The following PTPN14 variants were observed in gnomAD, a reference collection of about 807,000 sequenced individuals.
The protein encoded by PTPN14 is protein tyrosine phosphatase non-receptor type 14.
PTPN14 carries 53 observed loss-of-function variants against 126.8 expected under a neutral mutation model. The ratio of observed to expected loss-of-function variants is 0.42; its 90% CI spans 0.34 to 0.53. PTPN14 has a LOEUF of 0.53. Among genes scored for constraint, PTPN14 ranks in the 20% least tolerant of loss-of-function variants. The pLI, the probability that PTPN14 is intolerant of heterozygous loss-of-function variation, is 0.08. For missense variants in PTPN14, 1,257 were observed against 1,552.9 expected, an observed-to-expected ratio of 0.81 and a Z score of 3.20; for synonymous variants, 630 against 599.3, an observed-to-expected ratio of 1.05 and a Z score of -0.75.
At position 214,352,151 on chromosome 1, in the gene PTPN14, G is replaced by A. The variant is rs541182997; in HGVS notation, c.*5771C>T. On this transcript the variant is annotated 3_prime_UTR_variant, in exon 19 of 19. Coordinates refer to ENST00000366956, the MANE Select transcript of PTPN14 (RefSeq NM_005401.5). ...CTAAAAACAAAGCTGCAAACGGTAG[G>A]AACTGATGCACATCCTCTTCTTTAC... 3 of 152,260 alleles carry A rather than the reference G, an allele frequency of 2.0e-5. No homozygotes were observed. The highest frequency in any genetic ancestry group is 2.9e-5 in the Non-Finnish European group (2 of 68,018). 9.4% of individuals were successfully genotyped at this position (152,260 alleles called of 1,614,324 possible).
At chr1:214,493,387 C>A (rs1480161490) in intron 1 of PTPN14, among the ~76,000 whole-genome samples, 1 of 152,200 alleles carries the variant, frequency 6.6e-6, no homozygotes, top group African/African-American at 2.4e-5. Flanking sequence ...TTCCCACCAA[C>A]CATGTACAAG....
At chr1:214,375,385 A>C (rs1051654389) in intron 15 of PTPN14, among the ~76,000 whole-genome samples, 10 of 152,244 alleles carry the variant, frequency 6.6e-5, no homozygotes, top group African/African-American at 2.4e-4. Context: ...TATCAATTGA[A>C]CCTTGTGTTA....
Position 214,352,349 on chromosome 1 carries a change from C to T in PTPN14, c.*5573G>A, listed in dbSNP as rs1479085170. 6.6e-6 allele frequency: 1 copy of T among 152,172 alleles called. No individual in the cohort carries two copies. Among genetic ancestry groups the T allele is most frequent in the Non-Finnish European group, 1.5e-5 (1 of 68,040 alleles). 9.4% of individuals were successfully genotyped at this position (152,172 alleles called of 1,614,324 possible). A position where few individuals can be genotyped will look rare whatever the true frequency, so the allele number is the denominator to read the frequency against. On this transcript the variant is annotated 3_prime_UTR_variant, in exon 19 of 19. Transcript: ENST00000366956. ...GTAGTCTACTGAATAAAAATACTTA[C>T]CTATCTGAGTTTCTAACAGAAACAC...
At chr1:214,531,806 T>G (rs1655556663) in intron 1 of PTPN14, 1 of 152,156 alleles carries the variant, frequency 6.6e-6, no homozygotes, top group South Asian at 2.1e-4. Context: ...TTACAGTTTG[T>G]GGGGGGAAAG....
intron 6 of PTPN14, among the ~76,000 whole-genome samples, chr1:214,402,014 G>A (rs1232604441): frequency 1.3e-5 from 2 of 151,938 alleles, no homozygotes; most frequent in Non-Finnish European, 2.9e-5. Flanking sequence ...CCACAGCCCT[G>A]TAAACATGAA....
At chr1:214,367,462 TC>T (rs1658109866) in intron 17 of PTPN14, among the ~76,000 whole-genome samples, 1 of 152,198 alleles carries the variant, frequency 6.6e-6, no homozygotes, top group Non-Finnish European at 1.5e-5. Context: ...AACTTGTAAA[TC>T]AGTATTTTTA....
intron 1 of PTPN14, among the ~76,000 whole-genome samples, chr1:214,489,818 G>C (rs145866997): frequency 1.3e-5 from 2 of 152,302 alleles, no homozygotes; most frequent in Non-Finnish European, 2.9e-5. Flanking sequence ...TGGTCTCTCT[G>C]GAGCTAGAGA....
chr1:214,502,195 G>T (rs75605069), intron 1 of PTPN14, among the ~76,000 whole-genome samples: 6,384 of 152,150 alleles, frequency 0.042, 209 homozygotes, highest in Middle Eastern at 0.12. Flanking sequence ...TCCCTGGAGG[G>T]TTGTTAAATA....
chr1:214,367,937 C>G (rs1046978287), intron 17 of PTPN14, among the ~76,000 whole-genome samples: 1 of 152,134 alleles, frequency 6.6e-6, no homozygotes, highest in Non-Finnish European at 1.5e-5. Context: ...TTGGGTCTTT[C>G]AAATAAAAAT....
chr1:214,403,733 T>C (rs990322317), intron 5 of PTPN14, among the ~76,000 whole-genome samples: 1 of 152,082 alleles, frequency 6.6e-6, no homozygotes, highest in Non-Finnish European at 1.5e-5. Flanking sequence ...AGAGGAATAA[T>C]CCAAAATAAG....
intron 13 of PTPN14, among the ~76,000 whole-genome samples, chr1:214,380,718 A>G (rs1658452854): frequency 6.6e-6 from 1 of 152,228 alleles, no homozygotes; most frequent in Admixed American, 6.5e-5. Context: ...ATCACCTCTC[A>G]TGAATTCCCA....
chr1:214,384,388 C>G lies in PTPN14; in HGVS notation c.1467G>C (p.Glu489Asp). The change falls in exon 13 of 19, where the codon GAG becomes GAC. Residue 489 changes from glutamate to aspartate, a missense_variant. This residue lies in a region of PTPN14 where 1,021 missense variants were observed against 1,183.3 expected (regional missense o/e 0.86). Transcript: ENST00000366956. This position sits in a 1 kb window ranked among gnomAD's most constrained non-coding sequence, Gnocchi z 5.3. Reference sequence around the variant, plus strand: ...CAGTGTAGGGGTGCCTCTCCCGCATCTCCGGTTGGCTGTACACCAGATCCT... The same window carrying G: ...CAGTGTAGGGGTGCCTCTCCCGCATGTCCGGTTGGCTGTACACCAGATCCT... Reference protein sequence around the residue: ...QPEDLVYSQPEMRERHPYTVP... With the variant: ...QPEDLVYSQPDMRERHPYTVP... 2 of 1,614,160 alleles carry G rather than the reference C, an allele frequency of 1.2e-6. No homozygotes were observed. The highest frequency in any genetic ancestry group is 1.7e-6 in the Non-Finnish European group (2 of 1,180,032).
At position 214,376,915 on chromosome 1, in the gene PTPN14, C is replaced by T. The variant is rs528668981; in HGVS notation, c.2689-478G>A. Among the ~76,000 whole-genome samples the T allele has an allele frequency of 3.6e-4, 55 of 152,312 alleles. 1 individual carries two copies. The highest frequency in any genetic ancestry group is 1.3e-3 in the African/African-American group (55 of 41,562). Reference sequence around the variant, plus strand: ...TTAAATGATTTCTCTGAAGTCCCTTCTGGCTTTAAAAACATTCTAATTCTG... The same window carrying T: ...TTAAATGATTTCTCTGAAGTCCCTTTTGGCTTTAAAAACATTCTAATTCTG... On this transcript the variant is annotated intron_variant, in intron 14 of 18. Coordinates refer to ENST00000366956, the MANE Select transcript of PTPN14 (RefSeq NM_005401.5).
intron 15 of PTPN14, among the ~76,000 whole-genome samples, chr1:214,373,715 G>A (rs1240148479): frequency 7.1e-6 from 1 of 141,600 alleles, no homozygotes; most frequent in Non-Finnish European, 1.5e-5. Flanking sequence ...AAAAAAAAAA[G>A]ATCATGAAAC....
chr1:214,505,850 T>A (rs936706047), intron 1 of PTPN14, among the ~76,000 whole-genome samples: 3 of 152,128 alleles, frequency 2.0e-5, no homozygotes, highest in Non-Finnish European at 2.9e-5. Context: ...AAGTTATGAT[T>A]GTGCCACTGG....
At chr1:214,486,711 G>C (rs959928592) in intron 1 of PTPN14, among the ~76,000 whole-genome samples, 5 of 152,048 alleles carry the variant, frequency 3.3e-5, no homozygotes, top group African/African-American at 4.8e-5. Context: ...CACACCCAGG[G>C]GCATTTGCTA....
intron 2 of PTPN14, among the ~76,000 whole-genome samples, chr1:214,456,541 A>G (rs1660387253): frequency 1.3e-5 from 2 of 152,196 alleles, no homozygotes; most frequent in African/African-American, 2.4e-5. Flanking sequence ...TGACACATCT[A>G]TAATTAACAA....
At chr1:214,388,967 A>T (rs927947395) in intron 11 of PTPN14, among the ~76,000 whole-genome samples, 6 of 152,236 alleles carry the variant, frequency 3.9e-5, no homozygotes, top group African/African-American at 1.4e-4. Context: ...AAGACAGAAG[A>T]AATGAAGAAC....
intron 1 of PTPN14, among the ~76,000 whole-genome samples, chr1:214,505,224 T>G (rs1238136711): frequency 6.6e-6 from 1 of 150,432 alleles, no homozygotes; most frequent in Non-Finnish European, 1.5e-5. Flanking sequence ...GATCCAATGC[T>G]AGATGACACC....
Sources: allele counts gnomAD v4.1 joint callset (sites outside exome capture counted in the v4.1 genomes callset), GRCh38; gene constraint gnomAD v4.1.1; regional missense constraint gnomAD v4.1.1; non-coding constraint Gnocchi (gnomAD v3.1); transcripts MANE v1.5; gene names NCBI Gene and HGNC (gene_info 2026-07-23, HGNC 2026-07-21).